Variants in RPTOR observed in about 807,000 individuals in gnomAD.
RPTOR encodes the protein regulatory-associated protein of mTOR.
In RPTOR, 21 loss-of-function variants were observed where a neutral mutation model predicts 169.9. That is an observed-to-expected ratio of 0.12 (90% CI 0.09 to 0.18). RPTOR has a LOEUF of 0.18. RPTOR is among the 10% of genes least tolerant of loss of function. RPTOR has a pLI of 1.00. For missense variants in RPTOR, 1,133 were observed against 1,855.9 expected (o/e 0.61, Z 7.16); for synonymous variants, 732 against 753.2 (o/e 0.97, Z 0.46).
At chr17:80,859,047 C>T (rs535207975) in intron 13 of RPTOR, among the ~76,000 whole-genome samples, 29 of 152,146 alleles carry the variant, frequency 1.9e-4, no homozygotes, top group South Asian at 8.3e-4. Context: ...GCTGGGAGGG[C>T]GGCACCAAGC....
intron 1 of RPTOR, among the ~76,000 whole-genome samples, chr17:80,565,248 T>A (rs1214005355): frequency 6.6e-6 from 1 of 152,222 alleles, no homozygotes; most frequent in Non-Finnish European, 1.5e-5. Flanking sequence ...CTAGGAAGTG[T>A]CTCTTACATG....
At chr17:80,601,282 G>A (rs62068301) in intron 1 of RPTOR, among the ~76,000 whole-genome samples, 4 of 147,060 alleles carry the variant, frequency 2.7e-5, no homozygotes, top group African/African-American at 1.0e-4. Context: ...AGCAGAGACA[G>A]GGTGTCCCCT....
chr17:80,836,392 G>T (rs1222243292), intron 9 of RPTOR, among the ~76,000 whole-genome samples: 1 of 152,242 alleles, frequency 6.6e-6, no homozygotes, highest in African/African-American at 2.4e-5. Context: ...AAAGAAGTTG[G>T]GTACGGCTGG....
Position 80,651,617 on chromosome 17 carries a change from G to C in RPTOR, c.348+7807G>C, listed in dbSNP as rs945537435. ...ACAACTTGGCTGGGCGCAGTGGCTC[G>C]CGCCTGTAATCCTAGCACTTTGGGA... On this transcript the variant is annotated intron_variant, in intron 3 of 33. Coordinates refer to ENST00000306801, the MANE Select transcript of RPTOR (RefSeq NM_020761.3). The surrounding 1 kb of genome is among the most constrained non-coding windows in gnomAD (Gnocchi z 4.1). Among the ~76,000 whole-genome samples the C allele has an allele frequency of 6.6e-6, 1 of 152,202 alleles. No individual in the cohort carries two copies. The highest frequency in any genetic ancestry group is 6.5e-5 in the Admixed American group (1 of 15,298).
intron 6 of RPTOR, among the ~76,000 whole-genome samples, chr17:80,779,650 G>A (rs2066921639): frequency 6.6e-6 from 1 of 152,110 alleles, no homozygotes; most frequent in South Asian, 2.1e-4. Context: ...GACCCTCAGT[G>A]GCGCATGTCT....
chr17:80,964,038 C>T (rs999562016), intron 33 of RPTOR, among the ~76,000 whole-genome samples: 2 of 152,192 alleles, frequency 1.3e-5, no homozygotes, highest in Non-Finnish European at 2.9e-5. Flanking sequence ...GAAAAAACCA[C>T]GCAGGGCCCG....
chr17:80,930,312 CCAGCTCAGCTCAGCTCATCCT>C (rs2068868819), intron 24 of RPTOR, among the ~76,000 whole-genome samples: 2 of 80,172 alleles, frequency 2.5e-5, no homozygotes, highest in African/African-American at 4.5e-5. Context: ...CAGCTCATCC[CCAGCTCAGCTCAGCTCATCCT>C]CAGCTCATCC....
At chr17:80,929,971 C>T (rs2144004169) in intron 24 of RPTOR, among the ~76,000 whole-genome samples, 1 of 152,156 alleles carries the variant, frequency 6.6e-6, no homozygotes, top group South Asian at 2.1e-4. Flanking sequence ...CTCGTGCCAC[C>T]CTCAGCTCAG....
intron 1 of RPTOR, among the ~76,000 whole-genome samples, chr17:80,613,280 G>C (rs2065284545): frequency 6.6e-6 from 1 of 152,186 alleles, no homozygotes; most frequent in Admixed American, 6.5e-5. Context: ...GTCAGACAGG[G>C]TTAGTTCTAA....
chr17:80,700,609 GGT>G (rs2066082502), intron 3 of RPTOR, among the ~76,000 whole-genome samples: 1 of 150,870 alleles, frequency 6.6e-6, no homozygotes, highest in African/African-American at 2.4e-5. Context: ...TGGTGATGAT[GGT>G]GATGGTGGTG....
At chr17:80,794,244 A>G (rs1193206203) in intron 7 of RPTOR, among the ~76,000 whole-genome samples, 1 of 152,230 alleles carries the variant, frequency 6.6e-6, no homozygotes, top group African/African-American at 2.4e-5. Flanking sequence ...AAACTCAAAA[A>G]TAAGGGGGAA....
chr17:80,724,093 G>A lies in RPTOR; in HGVS notation c.508-6467G>A, dbSNP rs373158296. Among the ~76,000 whole-genome samples, 9 of 151,426 alleles carry A rather than the reference G, an allele frequency of 5.9e-5. No individual in the cohort carries two copies. The South Asian group carries it at 6.2e-4, about 10-fold the overall frequency. ...GGAGTAAAGGATGAGAAATGGGAAGGTATGAGAAGATTAATTCAGGACAGA... is the reference window on the plus strand; with the variant it reads ...GGAGTAAAGGATGAGAAATGGGAAGATATGAGAAGATTAATTCAGGACAGA... On this transcript the variant is annotated intron_variant, in intron 4 of 33. Coordinates refer to ENST00000306801, the MANE Select transcript of RPTOR (RefSeq NM_020761.3).
intron 24 of RPTOR, among the ~76,000 whole-genome samples, chr17:80,938,995 A>C (rs945647876): frequency 6.6e-6 from 1 of 152,254 alleles, no homozygotes; most frequent in Non-Finnish European, 1.5e-5. Context: ...GCCATGCGCC[A>C]TAGTCTTTAT....
intron 1 of RPTOR, among the ~76,000 whole-genome samples, chr17:80,563,685 C>T (rs78449621): frequency 6.6e-6 from 1 of 151,994 alleles, no homozygotes; most frequent in East Asian, 1.9e-4. Context: ...AAAGAAGAGT[C>T]TCACTTAAAT....
chr17:80,773,947 G>A, intron 6 of RPTOR: 1 of 985,432 alleles, frequency 1.0e-6, no homozygotes, highest in Non-Finnish European at 1.2e-6. Context: ...CCTGCCCTGG[G>A]GGCTATGGTG....
chr17:80,768,908 A>G (rs1020515184), intron 6 of RPTOR, among the ~76,000 whole-genome samples: 3 of 152,226 alleles, frequency 2.0e-5, no homozygotes, highest in African/African-American at 7.2e-5. Context: ...TCCGTATTTA[A>G]TAGCAGGCAT....
At chr17:80,952,603 G>A (rs1034911567) in intron 28 of RPTOR, among the ~76,000 whole-genome samples, 1 of 152,172 alleles carries the variant, frequency 6.6e-6, no homozygotes, top group Non-Finnish European at 1.5e-5. Context: ...TGCTTTGGAG[G>A]CTGTTTCTTG....
At chr17:80,736,740 T>G (rs1447598018) in intron 5 of RPTOR, among the ~76,000 whole-genome samples, 1 of 152,226 alleles carries the variant, frequency 6.6e-6, no homozygotes, top group Non-Finnish European at 1.5e-5. Context: ...TTGTAGTGAT[T>G]GCTGAATACC....
intron 7 of RPTOR, among the ~76,000 whole-genome samples, chr17:80,816,824 T>C (rs2067328474): frequency 6.6e-6 from 1 of 152,124 alleles, no homozygotes; most frequent in South Asian, 2.1e-4. Flanking sequence ...ACATGGGTTT[T>C]CCCCAGGGTA....
Sources: allele counts gnomAD v4.1 joint callset (sites outside exome capture counted in the v4.1 genomes callset), GRCh38; gene constraint gnomAD v4.1.1; non-coding constraint Gnocchi (gnomAD v3.1); transcripts MANE v1.5; gene names NCBI Gene and HGNC (gene_info 2026-07-23, HGNC 2026-07-21).